ZNF212: variants seen among roughly 807,000 people sequenced by gnomAD.
The protein encoded by ZNF212 is Zinc finger protein C2H2-150.
In ZNF212, 32 loss-of-function variants were observed where a neutral mutation model predicts 47.3. That is an observed-to-expected ratio of 0.68 (90% CI 0.51 to 0.91). The LOEUF (loss-of-function observed/expected upper bound fraction) is 0.91, where lower values mean the gene tolerates loss of function less well. Among genes scored for constraint, ZNF212 ranks in the 40% least tolerant of loss-of-function variants. The pLI, the probability that ZNF212 is intolerant of heterozygous loss-of-function variation, is 0.00. For missense variants in ZNF212, 555 were observed against 622.8 expected, an observed-to-expected ratio of 0.89 and a Z score of 1.16; for synonymous variants, 242 against 253.8, an observed-to-expected ratio of 0.95 and a Z score of 0.44.
intron 1 of ZNF212, among the ~76,000 whole-genome samples, chr7:149,240,533 C>T (rs1796573642): frequency 1.3e-5 from 2 of 152,174 alleles, no homozygotes; most frequent in Admixed American, 1.3e-4. Context: ...GTGTTCGCTT[C>T]TCTGGGTCTC....
chr7:149,246,973 C>T (rs755820200), intron 1 of ZNF212, among the ~76,000 whole-genome samples: 14 of 150,680 alleles, frequency 9.3e-5, no homozygotes, highest in Non-Finnish European at 1.9e-4. Flanking sequence ...CCACCATGCC[C>T]GGCTCATTTT....
At position 149,254,704 on chromosome 7, in the gene ZNF212, AG is replaced by A. The variant is rs1796811297; in HGVS notation, c.*292del. ...GCTGGGGTTGGCGTTCTGACCCCACAGGGACTGGTGGCTGGTTCCAGGGCTC... is the reference window on the plus strand; with the variant it reads ...GCTGGGGTTGGCGTTCTGACCCCACAGGACTGGTGGCTGGTTCCAGGGCTC... On this transcript the variant is annotated 3_prime_UTR_variant, in exon 5 of 5. Transcript: ENST00000335870. The surrounding 1 kb of genome is among the most constrained non-coding windows in gnomAD (Gnocchi z 4.5). 2.6e-6 allele frequency: 1 copy of A among 387,852 alleles called. No individual in the cohort carries two copies. The highest frequency in any genetic ancestry group is 4.8e-5 in the South Asian group (1 of 20,702). The allele number at this position is 387,852 out of a possible 1,614,324, so 24.0% of individuals were successfully genotyped here.
At chr7:149,251,791 C>A (rs1487033984) in intron 3 of ZNF212, among the ~76,000 whole-genome samples, 1 of 151,874 alleles carries the variant, frequency 6.6e-6, no homozygotes, top group Non-Finnish European at 1.5e-5. Flanking sequence ...CACCTGGCCT[C>A]TCATGCTGTT....
At chr7:149,244,938 G>A (rs767671960) in intron 1 of ZNF212, among the ~76,000 whole-genome samples, 6 of 152,178 alleles carry the variant, frequency 3.9e-5, no homozygotes, top group Non-Finnish European at 7.3e-5. Flanking sequence ...AGATTCACAT[G>A]CAAAGTAGAT....
chr7:149,251,374 G>A (rs1796754686), intron 3 of ZNF212: 1 of 157,504 alleles, frequency 6.3e-6, no homozygotes, highest in Non-Finnish European at 1.4e-5. Context: ...TAGTAGAAAT[G>A]GGGTTTCACC....
Position 149,254,584 on chromosome 7 carries a change from G to A in ZNF212, c.*169G>A, listed in dbSNP as rs564058501. ...AGGCTGTCCTGAAAACCCTGTGGAA[G>A]AAGAGTCCAGGCCAGGTCTTCATCC... On this transcript the variant is annotated 3_prime_UTR_variant, in exon 5 of 5. Transcript: ENST00000335870. The surrounding 1 kb of genome is among the most constrained non-coding windows in gnomAD (Gnocchi z 4.5). The A allele has an allele frequency of 4.1e-5, 44 of 1,063,386 alleles. No individual in the cohort carries two copies. Among genetic ancestry groups the A allele is most frequent in the Non-Finnish European group, 4.7e-5 (36 of 766,812 alleles). The allele number at this position is 1,063,386 out of a possible 1,614,324, so 65.9% of individuals were successfully genotyped here.
chr7:149,240,765 T>C (rs10247775), intron 1 of ZNF212, among the ~76,000 whole-genome samples: 3,138 of 152,276 alleles, frequency 0.021, 64 homozygotes, highest in African/African-American at 0.049. Context: ...TCGAGAATCA[T>C]GTTAGATCTT....
chr7:149,243,736 A>G (rs182420915), intron 1 of ZNF212, among the ~76,000 whole-genome samples: 1 of 152,322 alleles, frequency 6.6e-6, no homozygotes, highest in African/African-American at 2.4e-5. Context: ...CACTGTTATA[A>G]TAGGAGATTT....
At chr7:149,241,511 T>C (rs906538045) in intron 1 of ZNF212, among the ~76,000 whole-genome samples, 1 of 152,094 alleles carries the variant, frequency 6.6e-6, no homozygotes, top group South Asian at 2.1e-4. Flanking sequence ...GTAGAACTTA[T>C]TCAAATTGTT....
intron 3 of ZNF212, among the ~76,000 whole-genome samples, chr7:149,251,612 C>T (rs1317866603): frequency 1.3e-5 from 2 of 149,402 alleles, no homozygotes; most frequent in Admixed American, 6.8e-5. Context: ...CTCAGTTTTC[C>T]GAGTAGCTGG....
At position 149,253,876 on chromosome 7, in the gene ZNF212, G is replaced by A. The variant is rs776797632; in HGVS notation, c.949G>A (p.Glu317Lys). 1.8e-5 allele frequency: 29 copies of A among 1,613,888 alleles called. No individual in the cohort carries two copies. The highest frequency in any genetic ancestry group is 3.3e-5 in the Admixed American group (2 of 59,994). The change falls in exon 5 of 5, where the codon GAA becomes AAA. Residue 317 changes from glutamate (E) to lysine (K), a missense_variant. Coordinates refer to ENST00000335870, the MANE Select transcript of ZNF212 (RefSeq NM_012256.4). The part of the protein sequence containing the change: ...KLKKDTSRPY[E>K]CSECEITFRY... ...GAAAAAGGACACTTCCCGCCCCTAC[G>A]AATGTTCTGAGTGTGAGATCACCTT...
chr7:149,240,486 A>G (rs1796573106), intron 1 of ZNF212, among the ~76,000 whole-genome samples: 1 of 151,626 alleles, frequency 6.6e-6, no homozygotes, highest in African/African-American at 2.4e-5. Flanking sequence ...GGAGTCACGA[A>G]GCTTTCAGCT....
At chr7:149,245,576 G>A (rs537512992) in intron 1 of ZNF212, among the ~76,000 whole-genome samples, 4 of 152,166 alleles carry the variant, frequency 2.6e-5, no homozygotes, top group African/African-American at 9.6e-5. Context: ...TGTGATCATG[G>A]CTTCCTGCAG....
chr7:149,244,893 G>A (rs1796655454), intron 1 of ZNF212, among the ~76,000 whole-genome samples: 2 of 152,162 alleles, frequency 1.3e-5, no homozygotes, highest in African/African-American at 4.8e-5. Flanking sequence ...GTGGAGCAGA[G>A]ACGAACCATC....
intron 1 of ZNF212, among the ~76,000 whole-genome samples, chr7:149,249,751 C>G (rs577908772): frequency 3.9e-5 from 6 of 152,302 alleles, no homozygotes; most frequent in African/African-American, 1.4e-4. Context: ...CCTCAGTGCC[C>G]CAAGTACCTG....
At chr7:149,246,810 ATTC>A (rs1194754278) in intron 1 of ZNF212, among the ~76,000 whole-genome samples, 1 of 131,330 alleles carries the variant, frequency 7.6e-6, no homozygotes, top group Non-Finnish European at 1.6e-5. Flanking sequence ...TTGTGTCTGA[ATTC>A]TTTTTTTTTT....
Position 149,250,172 on chromosome 7 carries a change from G to A in ZNF212, c.38G>A (p.Arg13Gln), listed in dbSNP as rs373859017. The change falls in exon 2 of 5, where the codon CGA becomes CAA. Residue 13 changes from arginine to glutamine, a missense_variant. Coordinates refer to ENST00000335870, the MANE Select transcript of ZNF212 (RefSeq NM_012256.4). Reference protein sequence around the residue: ...ESAPARHRRKRRSTPLTSSTL... With the variant: ...ESAPARHRRKQRSTPLTSSTL... ...TTAATCCATCAGCACAGGAGAAAAC[G>A]ACGCTCCACACCTTTAACTTCTTCC... 30 of 1,527,334 alleles carry A rather than the reference G, an allele frequency of 2.0e-5. No homozygotes were observed. Among genetic ancestry groups the A allele is most frequent in the Admixed American group, 2.2e-5 (1 of 46,466 alleles). The allele number at this position is 1,527,334 out of a possible 1,614,324, so 94.6% of individuals were successfully genotyped here.
At chr7:149,250,931 C>G (rs1214742455) in intron 3 of ZNF212, 124 bp downstream of exon 3, 2 of 1,303,906 alleles carry the variant, frequency 1.5e-6, no homozygotes, top group Non-Finnish European at 2.1e-6. Context: ...CCTGCACGGG[C>G]AGAGAAATGC....
At chr7:149,242,397 TG>T (rs1284615322) in intron 1 of ZNF212, among the ~76,000 whole-genome samples, 6 of 150,064 alleles carry the variant, frequency 4.0e-5, no homozygotes, top group African/African-American at 1.5e-4. Context: ...GCAAAATGAA[TG>T]GGGGCCAGCT....
Sources: allele counts gnomAD v4.1 joint callset (sites outside exome capture counted in the v4.1 genomes callset), GRCh38; gene constraint gnomAD v4.1.1; non-coding constraint Gnocchi (gnomAD v3.1); transcripts MANE v1.5; gene names NCBI Gene and HGNC (gene_info 2026-07-23, HGNC 2026-07-21).